Variants in XKR6 observed in about 807,000 individuals in gnomAD.
The protein encoded by XKR6 is XK related 6, also known as XK-related protein 6.
In XKR6, 22 loss-of-function variants were observed where a neutral mutation model predicts 56.7. That is an observed-to-expected ratio of 0.39 (90% CI 0.28 to 0.55). The LOEUF (loss-of-function observed/expected upper bound fraction) is 0.55, where lower values mean the gene tolerates loss of function less well. Ranked by LOEUF, XKR6 falls within the 20% of genes least tolerant of loss-of-function variation. The probability of loss-of-function intolerance (pLI) is 0.66; values close to 1 mark genes in which losing one functional copy is unlikely to be tolerated. For missense variants in XKR6, 852 were observed against 889.0 expected (o/e 0.96, Z 0.53); for synonymous variants, 524 against 387.8 (o/e 1.35, Z -4.13).
At chr8:10,902,692 GA>G (rs1563278535) in intron 2 of XKR6, among the ~76,000 whole-genome samples, 1 of 152,208 alleles carries the variant, frequency 6.6e-6, no homozygotes, top group African/African-American at 2.4e-5. Context: ...TCCAAATAGT[GA>G]AAGGAGAAGG....
At chr8:11,029,177 C>G (rs1353458281) in intron 1 of XKR6, among the ~76,000 whole-genome samples, 1 of 152,112 alleles carries the variant, frequency 6.6e-6, no homozygotes. Flanking sequence ...TCCCAGGCCC[C>G]TTCACTCTCA....
intron 1 of XKR6, among the ~76,000 whole-genome samples, chr8:11,080,988 A>G (rs1368348235): frequency 2.0e-5 from 3 of 152,262 alleles, no homozygotes; most frequent in African/African-American, 7.2e-5. Context: ...CAAATAATCA[A>G]GAAGAAAACT....
intron 1 of XKR6, chr8:11,137,398 A>G: frequency 2.8e-6 from 1 of 351,218 alleles, no homozygotes; most frequent in Non-Finnish European, 5.6e-6. Context: ...TCATTCACAT[A>G]TTCTAGCTAG....
At chr8:10,901,124 C>A (rs1563277685) in intron 2 of XKR6, among the ~76,000 whole-genome samples, 1 of 150,006 alleles carries the variant, frequency 6.7e-6, no homozygotes, top group South Asian at 2.1e-4. Context: ...GGCATGATCT[C>A]CACTCATTGT....
intron 1 of XKR6, among the ~76,000 whole-genome samples, chr8:11,014,996 A>C (rs1433079200): frequency 2.0e-5 from 3 of 152,210 alleles, no homozygotes; most frequent in Non-Finnish European, 2.9e-5. Context: ...TGCCAACAAG[A>C]TGCTGAGCCG....
At chr8:11,073,680 C>A (rs1358221056) in intron 1 of XKR6, among the ~76,000 whole-genome samples, 2 of 152,202 alleles carry the variant, frequency 1.3e-5, no homozygotes, top group African/African-American at 4.8e-5. Flanking sequence ...GTCACTAAAT[C>A]CTGATACCTG....
At chr8:10,963,097 C>A (rs1259836007) in intron 1 of XKR6, among the ~76,000 whole-genome samples, 1 of 152,218 alleles carries the variant, frequency 6.6e-6, no homozygotes, top group Non-Finnish European at 1.5e-5. Context: ...AAGCACATCC[C>A]GCTTCTCCTC....
chr8:11,018,786 AAG>A (rs1798683976), intron 1 of XKR6, among the ~76,000 whole-genome samples: 3 of 152,116 alleles, frequency 2.0e-5, no homozygotes, highest in Admixed American at 2.0e-4. Flanking sequence ...ATTGCCAAAA[AAG>A]AAGACCCAAA....
chr8:11,015,468 A>G (rs947205882), intron 1 of XKR6, among the ~76,000 whole-genome samples: 4 of 152,164 alleles, frequency 2.6e-5, no homozygotes, highest in African/African-American at 9.6e-5. Context: ...CACATCTGCT[A>G]GAAACCACCC....
At chr8:11,047,494 C>T (rs1163734720) in intron 1 of XKR6, among the ~76,000 whole-genome samples, 1 of 152,160 alleles carries the variant, frequency 6.6e-6, no homozygotes, top group Non-Finnish European at 1.5e-5. Context: ...GTCATTGGCC[C>T]ATTTTCCATG....
intron 1 of XKR6, among the ~76,000 whole-genome samples, chr8:11,135,380 G>A (rs139255372): frequency 1.4e-4 from 22 of 152,216 alleles, no homozygotes; most frequent in Middle Eastern, 6.8e-3. Flanking sequence ...CTGCCACCCT[G>A]TAATTTAGAA....
At chr8:11,094,397 C>A (rs1169820804) in intron 1 of XKR6, among the ~76,000 whole-genome samples, 5 of 151,892 alleles carry the variant, frequency 3.3e-5, no homozygotes, top group African/African-American at 1.2e-4. Flanking sequence ...ACTATGTTGA[C>A]CAGACTGGTC....
At chr8:11,191,003 G>A (rs973576627) in intron 1 of XKR6, among the ~76,000 whole-genome samples, 5 of 152,084 alleles carry the variant, frequency 3.3e-5, no homozygotes, top group African/African-American at 1.2e-4. Context: ...CACTAGCAGG[G>A]CTCACCTCAA....
chr8:11,039,405 G>A (rs533855642), intron 1 of XKR6, among the ~76,000 whole-genome samples: 115 of 152,366 alleles, frequency 7.5e-4, no homozygotes, highest in African/African-American at 2.6e-3. Context: ...CAACAGCCAT[G>A]GTTAGGCCAA....
chr8:10,903,100 C>A (rs1021714147), intron 2 of XKR6, among the ~76,000 whole-genome samples: 10 of 152,140 alleles, frequency 6.6e-5, no homozygotes, highest in African/African-American at 1.9e-4. Context: ...ACTCAAAAAC[C>A]TGTGATGGAG....
intron 1 of XKR6, among the ~76,000 whole-genome samples, chr8:11,047,376 T>G (rs894796158): frequency 3.3e-5 from 5 of 152,216 alleles, no homozygotes; most frequent in African/African-American, 9.7e-5. Flanking sequence ...TTTTCAATTT[T>G]TCATCAGGGA....
chr8:11,124,023 C>G (rs1799620945), intron 1 of XKR6: 2 of 456,174 alleles, frequency 4.4e-6, no homozygotes, highest in Non-Finnish European at 8.8e-6. Context: ...TTCATCAAAT[C>G]CCAAGCAATC....
intron 1 of XKR6, among the ~76,000 whole-genome samples, chr8:11,086,157 T>TTTTTTA (rs1491345169): frequency 1.2e-3 from 174 of 147,998 alleles, no homozygotes; most frequent in African/African-American, 4.2e-3. Context: ...TATTTTTTTT[T>TTTTTTA]AAAAAAAACA....
chr8:11,184,307 T>C (rs1484002238), intron 1 of XKR6, among the ~76,000 whole-genome samples: 1 of 151,976 alleles, frequency 6.6e-6, no homozygotes, highest in Non-Finnish European at 1.5e-5. Flanking sequence ...TCTCAACTGG[T>C]GGAGATACTA....
Sources: gnomAD v4.1 joint callset for allele counts (sites outside exome capture counted in the v4.1 genomes callset) on GRCh38, gnomAD v4.1.1 for gene constraint, MANE v1.5 for transcripts, NCBI Gene and HGNC (gene_info 2026-07-23, HGNC 2026-07-21) for gene names.